The following GATAD1 variants were observed in gnomAD, a reference collection of about 807,000 sequenced individuals.
The protein encoded by GATAD1 is GATA zinc finger domain containing 1.
GATAD1 carries 12 observed loss-of-function variants against 26.5 expected under a neutral mutation model. The observed-to-expected ratio is 0.45, with a 90% CI of 0.29 to 0.73. The LOEUF is 0.73. Ranked by LOEUF, GATAD1 falls within the 30% of genes least tolerant of loss-of-function variation. GATAD1 has a pLI of 0.10. For synonymous variants in GATAD1, 129 were observed against 133.1 expected, an observed-to-expected ratio of 0.97 and a Z score of 0.21; for missense variants, 266 against 342.1, an observed-to-expected ratio of 0.78 and a Z score of 1.75.
chr7:92,448,020 G>A, intron 1 of GATAD1, 42 bp downstream of exon 1: 1 of 1,199,286 alleles, frequency 8.3e-7, no homozygotes, highest in South Asian at 4.2e-5. Context: ...GGCCGACCAG[G>A]TGCTAGGCGG....
chr7:92,493,090 G>C, the GATAD1 span: 10 of 1,612,054 alleles, frequency 6.2e-6, no homozygotes, highest in Non-Finnish European at 8.5e-6. Context: ...GCCAGAGGTA[G>C]AGAGTCACTG....
At chr7:92,469,290 G>A in the GATAD1 span, 1 of 764,414 alleles carries the variant, frequency 1.3e-6, no homozygotes, top group Non-Finnish European at 2.4e-6. Flanking sequence ...AGGTGACCAG[G>A]GAGTCGGCGA....
rs747146542 is a variant in GATAD1, at chr7:92,448,730, CTTTAA to C, written c.250-18_250-14del. 1.7e-5 allele frequency: 28 copies of C among 1,600,510 alleles called. No homozygotes were observed. The Middle Eastern group carries it at 6.6e-4, about 38-fold the overall frequency. ...CTTTTTACTTCTTTCTCTTTTTGTT[CTTTAA>C]TTTGTTTGTGTAACAGAGTAAGCAG... is the stretch of plus-strand genomic sequence containing the variant. On this transcript the variant is annotated splice_polypyrimidine_tract_variant and intron_variant, in intron 1 of 4. Coordinates refer to ENST00000287957, the MANE Select transcript of GATAD1 (RefSeq NM_021167.5).
At chr7:92,449,558 C>A in intron 2 of GATAD1, 2 of 974,552 alleles carry the variant, frequency 2.1e-6, no homozygotes, top group Non-Finnish European at 2.4e-6. Flanking sequence ...ATATTCTTTT[C>A]TTTCAGAACA....
the GATAD1 span, among the ~76,000 whole-genome samples, chr7:92,486,773 T>G: frequency 6.6e-6 from 1 of 152,200 alleles, no homozygotes; most frequent in African/African-American, 2.4e-5. Flanking sequence ...ACTATATAGT[T>G]AAGATATTAG....
downstream of GATAD1, among the ~76,000 whole-genome samples, chr7:92,464,934 A>G (rs547689446): frequency 6.6e-6 from 1 of 152,366 alleles, no homozygotes; most frequent in African/African-American, 2.4e-5. Context: ...TTCTAGGCAA[A>G]TAAAATTTGA....
At chr7:92,470,276 C>A in the GATAD1 span, 3 of 778,436 alleles carry the variant, frequency 3.9e-6, no homozygotes, top group Non-Finnish European at 4.8e-6. Flanking sequence ...CATAGAAACT[C>A]TTGGTAAGGG....
Position 92,448,431 on chromosome 7 carries a change from TA to T in GATAD1, c.250-320del, listed in dbSNP as rs1412466495. On this transcript the variant is annotated intron_variant, in intron 1 of 4. Coordinates refer to ENST00000287957, the MANE Select transcript of GATAD1 (RefSeq NM_021167.5). ...AGTTGTTAAGTGTTTTTCTCTATTG[TA>T]GACACAACAAATGAATAGTGTTTGT... Among the ~76,000 whole-genome samples the T allele has an allele frequency of 6.6e-5, 10 of 152,304 alleles. No individual in the cohort carries two copies. In the East Asian group the frequency reaches 1.9e-3, roughly 29 times the overall value.
chr7:92,470,533 C>T, the GATAD1 span: 87 of 566,220 alleles, frequency 1.5e-4, no homozygotes, highest in Non-Finnish European at 2.2e-5. Flanking sequence ...GTGATGTATC[C>T]AAGACTCCAC....
At chr7:92,461,358 C>G (rs1436153192), downstream of GATAD1, 1 of 152,368 alleles carries the variant, frequency 6.6e-6, no homozygotes, top group Admixed American at 6.5e-5. Flanking sequence ...ACACCAAACA[C>G]AGAAGCAACA....
chr7:92,462,463 A>G (rs761565481), downstream of GATAD1, among the ~76,000 whole-genome samples: 1 of 152,208 alleles, frequency 6.6e-6, no homozygotes, highest in Non-Finnish European at 1.5e-5. Context: ...AGTTGGAATT[A>G]CAGTCATTTT....
the GATAD1 span, chr7:92,493,136 G>A: frequency 6.6e-7 from 1 of 1,516,648 alleles, no homozygotes; most frequent in Non-Finnish European, 9.1e-7. Context: ...ACACCTGAAA[G>A]GAGAAAAATT....
chr7:92,455,275 G>A (rs1789622528), intron 4 of GATAD1, among the ~76,000 whole-genome samples: 1 of 152,154 alleles, frequency 6.6e-6, no homozygotes, highest in Non-Finnish European at 1.5e-5. Flanking sequence ...GAAGTGGTAT[G>A]GATAAGATTT....
chr7:92,478,663 AGTAAAG>A, the GATAD1 span, among the ~76,000 whole-genome samples: 2 of 152,240 alleles, frequency 1.3e-5, no homozygotes, highest in South Asian at 4.1e-4. Context: ...AGCTAGAAAG[AGTAAAG>A]GTTTTTGGAA....
At chr7:92,491,118 C>A in the GATAD1 span, 1 of 615,212 alleles carries the variant, frequency 1.6e-6, no homozygotes. Context: ...ATGCAAATTA[C>A]CAATTAGTGT....
intron 3 of GATAD1, among the ~76,000 whole-genome samples, chr7:92,453,890 A>G (rs1789546074): frequency 6.6e-6 from 1 of 152,208 alleles, no homozygotes; most frequent in African/African-American, 2.4e-5. Context: ...TACGGAGCAC[A>G]GAGGATTTTT....
the GATAD1 span, among the ~76,000 whole-genome samples, chr7:92,478,250 C>A: frequency 1.3e-5 from 2 of 152,180 alleles, no homozygotes; most frequent in Non-Finnish European, 2.9e-5. Context: ...AAAGGAAGCC[C>A]GCCCCAGGGA....
chr7:92,489,900 A>G, the GATAD1 span: 1 of 1,613,452 alleles, frequency 6.2e-7, no homozygotes, highest in East Asian at 2.2e-5. Context: ...GTGCAGAGAG[A>G]CATTGTGAGC....
downstream of GATAD1, among the ~76,000 whole-genome samples, chr7:92,462,800 T>A (rs751018059): frequency 1.3e-5 from 2 of 152,212 alleles, no homozygotes; most frequent in Non-Finnish European, 2.9e-5. Context: ...CTCTCCTCAC[T>A]ATGTAAGAAG....
Sources: allele counts gnomAD v4.1 joint callset (sites outside exome capture counted in the v4.1 genomes callset), GRCh38; gene constraint gnomAD v4.1.1; transcripts MANE v1.5; gene names NCBI Gene and HGNC (gene_info 2026-07-23, HGNC 2026-07-21).